Variants in MATN2 observed in about 807,000 individuals in gnomAD.
The protein encoded by MATN2 is matrilin 2, also known as matrilin-2.
MATN2 carries 69 observed loss-of-function variants against 103.2 expected under a neutral mutation model. That is an observed-to-expected ratio of 0.67 (90% CI 0.55 to 0.82). The LOEUF is 0.82. MATN2 is among the 40% of genes least tolerant of loss of function. MATN2 has a pLI of 0.00. For synonymous variants in MATN2, 429 were observed against 450.2 expected (o/e 0.95, Z 0.60); for missense variants, 1,023 against 1,211.5 (o/e 0.84, Z 2.31).
intron 2 of MATN2, among the ~76,000 whole-genome samples, chr8:97,923,591 T>C (rs527954285): frequency 1.3e-5 from 2 of 152,258 alleles, no homozygotes; most frequent in East Asian, 3.9e-4. Context: ...AGCCTTGCTT[T>C]GTTGCCCAGA....
At chr8:97,871,430 G>A (rs148157308) in intron 1 of MATN2, among the ~76,000 whole-genome samples, 11 of 152,322 alleles carry the variant, frequency 7.2e-5, no homozygotes, top group African/African-American at 2.4e-4. Context: ...AGCAGTAGGA[G>A]AGGTGAGTGG....
chr8:97,908,893 T>G (rs1819270442), intron 2 of MATN2, among the ~76,000 whole-genome samples: 1 of 152,188 alleles, frequency 6.6e-6, no homozygotes, highest in Non-Finnish European at 1.5e-5. Context: ...CCTCCCAAAG[T>G]GTTGGGATTA....
chr8:97,898,929 AT>A (rs1330933469), intron 2 of MATN2, among the ~76,000 whole-genome samples: 4 of 150,158 alleles, frequency 2.7e-5, no homozygotes, highest in Non-Finnish European at 5.9e-5. Context: ...TTTTTTTCAT[AT>A]TTTTTTGTAA....
intron 2 of MATN2, among the ~76,000 whole-genome samples, chr8:97,926,379 C>T (rs1305108095): frequency 6.6e-6 from 1 of 152,162 alleles, no homozygotes; most frequent in Non-Finnish European, 1.5e-5. Flanking sequence ...CAACAGTTCC[C>T]ATGTGGAGAA....
At chr8:97,898,569 C>A (rs1264445265) in intron 2 of MATN2, among the ~76,000 whole-genome samples, 1 of 150,820 alleles carries the variant, frequency 6.6e-6, no homozygotes, top group Non-Finnish European at 1.5e-5. Context: ...TACACTCCAG[C>A]CTGGGCAACA....
intron 3 of MATN2, among the ~76,000 whole-genome samples, chr8:97,937,402 G>C (rs1163910178): frequency 6.6e-6 from 1 of 152,080 alleles, no homozygotes; most frequent in East Asian, 1.9e-4. Context: ...ACTTGTTCGA[G>C]GTAGAGGGGA....
rs779484792 is a variant in MATN2, at chr8:98,003,594, G to A, written c.1205-67G>A. On this transcript the variant is annotated intron_variant, in intron 7 of 18. Coordinates refer to ENST00000254898, the MANE Select transcript of MATN2 (RefSeq NM_002380.5). Reference sequence around the variant, plus strand: ...CTCCATGGGGGCTCATGGGAGCCCCGAGGGGCTGCCATCAGCCCTGGGAGA... The same window carrying A: ...CTCCATGGGGGCTCATGGGAGCCCCAAGGGGCTGCCATCAGCCCTGGGAGA... The A allele has an allele frequency of 2.0e-4, 314 of 1,586,010 alleles. 1 individual carries two copies. Among genetic ancestry groups the A allele is most frequent in the Middle Eastern group, 3.3e-4 (2 of 6,022 alleles).
rs564459016 is a variant in MATN2 at position 98,027,611 on chromosome 8, A to G, written c.2138A>G (p.Asn713Ser). 5 of 1,613,690 alleles carry G rather than the reference A, an allele frequency of 3.1e-6. No individual in the cohort carries two copies. The South Asian group carries it at 3.3e-5, about 11-fold the overall frequency. Residue 713 changes from asparagine (N) to serine (S), a missense_variant, in exon 14 of 19, where the codon AAC becomes AGC. Asn to Ser is a conservative substitution (Grantham distance 46). Coordinates refer to ENST00000254898, the MANE Select transcript of MATN2 (RefSeq NM_002380.5). ...ACAGAGTTCACTCTGAGAAACTTCA[A>G]CTCAGCCAAAGACATGAAAAAAGCC... Reference protein sequence around the residue: ...VHTEFTLRNFNSAKDMKKAVA... With the variant: ...VHTEFTLRNFSSAKDMKKAVA...
chr8:98,003,205 T>A (rs1364093448), intron 7 of MATN2, among the ~76,000 whole-genome samples: 1 of 151,978 alleles, frequency 6.6e-6, no homozygotes, highest in African/African-American at 2.4e-5. Context: ...GCACTTGTGT[T>A]TTTTGTCTCC....
intron 5 of MATN2, among the ~76,000 whole-genome samples, chr8:97,968,805 C>G (rs1811563667): frequency 6.6e-6 from 1 of 152,236 alleles, no homozygotes; most frequent in Non-Finnish European, 1.5e-5. Flanking sequence ...GCCCTCCAAA[C>G]TCATCTGACC....
chr8:97,931,513 A>T lies in MATN2; in HGVS notation c.703A>T (p.Lys235Ter). Residue 235 changes from lysine to a stop codon, truncating the protein, a stop_gained, in exon 3 of 19, where the codon AAG (lysine) becomes TAG (stop). Transcript: ENST00000254898. LOFTEE classifies it high-confidence loss of function. The surrounding 1 kb of genome is among the most constrained non-coding windows in gnomAD (Gnocchi z 4.1). ...GACGCTGACCTCCGTGTTCCAGAAGAAGTTGTGCAGTAAGTCCTGCTCCTT... is the reference window on the plus strand; with the variant it reads ...GACGCTGACCTCCGTGTTCCAGAAGTAGTTGTGCAGTAAGTCCTGCTCCTT... ...IETLTSVFQK[K>*]LCTAHMCSTL... 1 of 1,605,528 alleles carries T rather than the reference A, an allele frequency of 6.2e-7. No individual in the cohort carries two copies. Among genetic ancestry groups the T allele is most frequent in the Non-Finnish European group, 8.5e-7 (1 of 1,176,298 alleles).
intron 7 of MATN2, among the ~76,000 whole-genome samples, chr8:97,999,505 T>TTGTC (rs1382760426): frequency 1.3e-5 from 2 of 152,212 alleles, no homozygotes; most frequent in Non-Finnish European, 2.9e-5. Context: ...TGTTCTGTGT[T>TTGTC]TGTCTGTCTG....
intron 6 of MATN2, among the ~76,000 whole-genome samples, chr8:97,986,999 ATT>A (rs531958193): frequency 1.0e-4 from 15 of 143,260 alleles, no homozygotes; most frequent in South Asian, 2.3e-4. Context: ...CGCCCAGCTA[ATT>A]TTTTTTTTTT....
chr8:98,021,020 A>G (rs745545899), intron 12 of MATN2, 185 bp from the exon 13 acceptor site: 2 of 510,490 alleles, frequency 3.9e-6, no homozygotes, highest in Non-Finnish European at 7.0e-6. Flanking sequence ...TGGGAGCTAG[A>G]GCTTTCTGAG....
chr8:98,014,807 C>A (rs1813304734), intron 10 of MATN2, among the ~76,000 whole-genome samples: 1 of 152,164 alleles, frequency 6.6e-6, no homozygotes, highest in South Asian at 2.1e-4. Flanking sequence ...CAGAGAGATA[C>A]TGCAAAGATG....
chr8:97,964,655 A>G (rs568770457), intron 5 of MATN2, among the ~76,000 whole-genome samples: 3 of 151,868 alleles, frequency 2.0e-5, no homozygotes, highest in African/African-American at 7.2e-5. Flanking sequence ...GGCTGGTCTC[A>G]ATCTCCTGGG....
chr8:97,964,934 A>C lies in MATN2; in HGVS notation c.958+3404A>C, dbSNP rs561992926. 7.1e-4 allele frequency among the ~76,000 whole-genome samples: 107 copies of C among 151,324 alleles called. 1 individual carries two copies. Among genetic ancestry groups the C allele is most frequent in the Non-Finnish European group, 1.2e-3 (84 of 67,744 alleles). The stretch of plus-strand genomic sequence containing the variant: ...TTTTTGGTAGAGATGGGGTCTTGCT[A>C]TGTTGCCCAGGCAGGTATTGAACTC... On this transcript the variant is annotated intron_variant, in intron 5 of 18. Coordinates refer to ENST00000254898, the MANE Select transcript of MATN2 (RefSeq NM_002380.5).
At chr8:98,011,847 C>T (rs1813174699) in intron 10 of MATN2, among the ~76,000 whole-genome samples, 1 of 152,320 alleles carries the variant, frequency 6.6e-6, no homozygotes, top group African/African-American at 2.4e-5. Flanking sequence ...GCGCCACAGA[C>T]TTACGTGACT....
rs114275791 is a variant in MATN2 at position 98,025,552 on chromosome 8, C to T, written c.1943-1864C>T. On this transcript the variant is annotated intron_variant, in intron 13 of 18. Coordinates refer to ENST00000254898, the MANE Select transcript of MATN2 (RefSeq NM_002380.5). ...CACAAGGTCAGGAGTTCGAAATCAG[C>T]TTGGCCAAGATGGTGAAACCCCGTC... is the stretch of plus-strand genomic sequence containing the variant. The T allele has an allele frequency of 7.4e-4, 194 of 263,796 alleles. 1 individual carries two copies. The highest frequency in any genetic ancestry group is 4.3e-3 in the African/African-American group (184 of 42,690). The allele number at this position is 263,796 out of a possible 1,614,324, so 16.3% of individuals were successfully genotyped here.
Sources: gnomAD v4.1 joint callset for allele counts (sites outside exome capture counted in the v4.1 genomes callset) on GRCh38, gnomAD v4.1.1 for gene constraint, Gnocchi (gnomAD v3.1) non-coding constraint, MANE v1.5 for transcripts, NCBI Gene and HGNC (gene_info 2026-07-23, HGNC 2026-07-21) for gene names.